HRH1: variants seen among roughly 807,000 people sequenced by gnomAD.
The protein encoded by HRH1 is histamine receptor H1.
A neutral mutation model predicts 10.3 loss-of-function variants in HRH1; 6 were observed. The observed-to-expected ratio is 0.58, with a 90% CI of 0.32 to 1.15. The LOEUF is 1.15. Among genes scored for constraint, HRH1 ranks in the 50% most tolerant of loss-of-function variants. The probability of loss-of-function intolerance (pLI) is 0.05; values close to 1 mark genes in which losing one functional copy is unlikely to be tolerated. For synonymous variants in HRH1, 242 were observed against 236.7 expected, an observed-to-expected ratio of 1.02 and a Z score of -0.21; for missense variants, 514 against 615.3, an observed-to-expected ratio of 0.84 and a Z score of 1.74.
chr3:11,165,329 A>G (rs1937010304), intron 1 of HRH1, among the ~76,000 whole-genome samples: 1 of 152,268 alleles, frequency 6.6e-6, no homozygotes, highest in Non-Finnish European at 1.5e-5. Flanking sequence ...CCACCTATAA[A>G]TATCAAAAGT....
intron 1 of HRH1, among the ~76,000 whole-genome samples, chr3:11,184,571 A>C (rs1937415943): frequency 6.6e-6 from 1 of 152,156 alleles, no homozygotes; most frequent in Admixed American, 6.5e-5. Context: ...GAGTGGCAGA[A>C]GTGCTTTCCT....
At chr3:11,246,263 C>A (rs965859950) in intron 1 of HRH1, among the ~76,000 whole-genome samples, 1 of 152,240 alleles carries the variant, frequency 6.6e-6, no homozygotes, top group Non-Finnish European at 1.5e-5. Flanking sequence ...AGGTGACTGC[C>A]TTCCTTGCAG....
At chr3:11,248,398 C>T (rs1229172469) in intron 1 of HRH1, among the ~76,000 whole-genome samples, 3 of 152,102 alleles carry the variant, frequency 2.0e-5, no homozygotes, top group Non-Finnish European at 4.4e-5. Flanking sequence ...CATGGTACTC[C>T]GATAGCATCT....
intron 1 of HRH1, among the ~76,000 whole-genome samples, chr3:11,236,325 A>G (rs1939179959): frequency 6.6e-6 from 1 of 152,240 alleles, no homozygotes; most frequent in South Asian, 2.1e-4. Context: ...GCAACCTGGG[A>G]GGCTGAGGCA....
intron 1 of HRH1, among the ~76,000 whole-genome samples, chr3:11,250,355 G>A (rs1347514067): frequency 2.0e-5 from 3 of 151,812 alleles, no homozygotes; most frequent in Non-Finnish European, 4.4e-5. Context: ...CACCGCGCCC[G>A]GCCGCTTTTC....
intron 1 of HRH1, among the ~76,000 whole-genome samples, chr3:11,185,079 A>G (rs404364): frequency 0.46 from 69,585 of 150,916 alleles, 17,623 homozygotes; most frequent in African/African-American, 0.67. Flanking sequence ...CCATTGTATC[A>G]TGGGCCCCAA....
intron 1 of HRH1, among the ~76,000 whole-genome samples, chr3:11,145,042 C>T (rs1431555654): frequency 6.6e-6 from 1 of 152,236 alleles, no homozygotes; most frequent in Non-Finnish European, 1.5e-5. Context: ...TCTCTGGAAG[C>T]TCTTCTCCCA....
chr3:11,180,667 G>T (rs772773913), intron 1 of HRH1, among the ~76,000 whole-genome samples: 1 of 152,062 alleles, frequency 6.6e-6, no homozygotes, highest in Non-Finnish European at 1.5e-5. Context: ...CAATGGATTT[G>T]CCTGTTGTGG....
chr3:11,141,992 T>A (rs759054075), intron 1 of HRH1, among the ~76,000 whole-genome samples: 7 of 152,214 alleles, frequency 4.6e-5, no homozygotes, highest in African/African-American at 7.2e-5. Flanking sequence ...AATCTTACTC[T>A]TTCAACAAGC....
chr3:11,212,511 G>A (rs1348497768), intron 1 of HRH1, among the ~76,000 whole-genome samples: 2 of 152,094 alleles, frequency 1.3e-5, no homozygotes, highest in Non-Finnish European at 2.9e-5. Flanking sequence ...GGGCTATCAC[G>A]GGGCCCTACA....
chr3:11,259,096 C>G lies in HRH1; in HGVS notation c.59C>G (p.Thr20Ser), dbSNP rs199843421. ...LEDKMCEGNKTTMASPQLMPL... is the reference protein window; with the variant it reads ...LEDKMCEGNKSTMASPQLMPL... ...GACAAGATGTGTGAGGGCAACAAGA[C>G]CACTATGGCCAGCCCCCAGCTGATG... The change falls in exon 2 of 2, where the codon ACC becomes AGC. Residue 20 changes from threonine to serine, a missense_variant. Transcript: ENST00000431010. The surrounding 1 kb of genome is among the most constrained non-coding windows in gnomAD (Gnocchi z 4.6). 1.2e-6 allele frequency: 2 copies of G among 1,613,530 alleles called. No homozygotes were observed. Among genetic ancestry groups the G allele is most frequent in the Middle Eastern group, 1.7e-4 (1 of 6,054 alleles).
intron 1 of HRH1, among the ~76,000 whole-genome samples, chr3:11,243,588 G>T (rs1347059922): frequency 6.6e-6 from 1 of 152,174 alleles, no homozygotes; most frequent in Non-Finnish European, 1.5e-5. Flanking sequence ...TTACACCTTG[G>T]CCCCAGCGTG....
intron 1 of HRH1, among the ~76,000 whole-genome samples, chr3:11,223,623 G>A (rs1400367674): frequency 1.3e-5 from 2 of 152,186 alleles, no homozygotes; most frequent in African/African-American, 2.4e-5. Context: ...GCAAAGAGGG[G>A]GAGTCAAGTA....
chr3:11,199,756 T>A (rs1937829555), intron 1 of HRH1, among the ~76,000 whole-genome samples: 1 of 152,176 alleles, frequency 6.6e-6, no homozygotes, highest in Admixed American at 6.5e-5. Context: ...GCTGAAGAGA[T>A]GTACAGTTGA....
upstream of HRH1, among the ~76,000 whole-genome samples, chr3:11,150,738 CCCCAGG>C (rs1936591446): frequency 6.6e-6 from 1 of 151,886 alleles, no homozygotes; most frequent in Non-Finnish European, 1.5e-5. Flanking sequence ...AACTTCCTCT[CCCCAGG>C]CCTTCCTCTC....
At chr3:11,144,433 A>AC in intron 1 of HRH1, among the ~76,000 whole-genome samples, 1 of 150,728 alleles carries the variant, frequency 6.6e-6, no homozygotes, top group Non-Finnish European at 1.5e-5. Context: ...ATATACATAT[A>AC]GACATATAGA....
intron 1 of HRH1, among the ~76,000 whole-genome samples, chr3:11,179,113 C>T (rs1253121510): frequency 6.6e-6 from 1 of 152,090 alleles, no homozygotes; most frequent in Non-Finnish European, 1.5e-5. Context: ...CATGGCAAAA[C>T]CCCGTCTCTA....
At chr3:11,202,167 G>A (rs545924809) in intron 1 of HRH1, among the ~76,000 whole-genome samples, 1 of 152,334 alleles carries the variant, frequency 6.6e-6, no homozygotes, top group Non-Finnish European at 1.5e-5. Flanking sequence ...ACTTTGGGAG[G>A]CCAAGGGGGG....
At chr3:11,221,977 C>G (rs1213344477) in intron 1 of HRH1, among the ~76,000 whole-genome samples, 1 of 152,332 alleles carries the variant, frequency 6.6e-6, no homozygotes, top group East Asian at 1.9e-4. Context: ...GGACCACATT[C>G]TGTTTCCCCA....
Sources: gnomAD v4.1 joint callset for allele counts (sites outside exome capture counted in the v4.1 genomes callset) on GRCh38, gnomAD v4.1.1 for gene constraint, Gnocchi (gnomAD v3.1) non-coding constraint, MANE v1.5 for transcripts, NCBI Gene and HGNC (gene_info 2026-07-23, HGNC 2026-07-21) for gene names.